FAM168A: variants seen among roughly 807,000 people sequenced by gnomAD.
FAM168A encodes the protein family with sequence similarity 168 member A, also known as protein FAM168A.
In FAM168A, 3 loss-of-function variants were observed where a neutral mutation model predicts 28.5. The ratio of observed to expected loss-of-function variants is 0.11; its 90% CI spans 0.05 to 0.27. The LOEUF is 0.27. Ranked by LOEUF, FAM168A falls within the 10% of genes least tolerant of loss-of-function variation. FAM168A has a pLI of 1.00. For missense variants in FAM168A, 222 were observed against 311.5 expected (o/e 0.71, Z 2.16); for synonymous variants, 122 against 124.2 (o/e 0.98, Z 0.12).
chr11:73,415,039 C>T (rs1243801605), intron 4 of FAM168A, among the ~76,000 whole-genome samples: 2 of 152,218 alleles, frequency 1.3e-5, no homozygotes, highest in South Asian at 4.1e-4. Flanking sequence ...GTGAGACTAT[C>T]CCTCTGAGGA....
At chr11:73,572,796 CT>C (rs1277005858) in intron 1 of FAM168A, among the ~76,000 whole-genome samples, 2 of 152,036 alleles carry the variant, frequency 1.3e-5, no homozygotes, top group African/African-American at 4.8e-5. Flanking sequence ...ACTTGTTTAT[CT>C]GCTGACCTTC....
At chr11:73,496,584 G>A (rs778290004) in intron 1 of FAM168A, among the ~76,000 whole-genome samples, 9 of 152,196 alleles carry the variant, frequency 5.9e-5, no homozygotes, top group South Asian at 2.1e-4. Context: ...TTTTTGAGAC[G>A]GAGTCTCACT....
intron 1 of FAM168A, among the ~76,000 whole-genome samples, chr11:73,487,877 C>A (rs1398381124): frequency 6.6e-6 from 1 of 152,132 alleles, no homozygotes; most frequent in Non-Finnish European, 1.5e-5. Flanking sequence ...GTCCATCACC[C>A]TCCTCGTACC....
intron 1 of FAM168A, among the ~76,000 whole-genome samples, chr11:73,572,050 G>A (rs1419177416): frequency 4.0e-5 from 6 of 149,658 alleles, no homozygotes; most frequent in African/African-American, 9.9e-5. Flanking sequence ...GAGCCCCTCC[G>A]CCCGGCAGCC....
chr11:73,420,280 TCTC>T (rs2134496237), intron 3 of FAM168A, among the ~76,000 whole-genome samples: 1 of 152,266 alleles, frequency 6.6e-6, no homozygotes, highest in South Asian at 2.1e-4. Context: ...TGAATAACCA[TCTC>T]CTACTACCTG....
intron 1 of FAM168A, among the ~76,000 whole-genome samples, chr11:73,505,706 G>C (rs1175419914): frequency 1.3e-5 from 2 of 152,158 alleles, no homozygotes; most frequent in African/African-American, 4.8e-5. Context: ...CAAGCCAGCA[G>C]GTATGTGGAG....
intron 3 of FAM168A, chr11:73,425,162 C>A: frequency 4.4e-6 from 3 of 674,906 alleles, no homozygotes; most frequent in South Asian, 2.1e-5. Flanking sequence ...CCCAGCTTCA[C>A]AAAAGCAGTA....
At chr11:73,513,130 AC>A (rs1316773939) in intron 1 of FAM168A, among the ~76,000 whole-genome samples, 1 of 148,910 alleles carries the variant, frequency 6.7e-6, no homozygotes, top group Non-Finnish European at 1.5e-5. Context: ...GCACCATATG[AC>A]CAGTTTTGGC....
intron 1 of FAM168A, among the ~76,000 whole-genome samples, chr11:73,547,211 C>G (rs530892740): frequency 2.1e-5 from 3 of 145,404 alleles, no homozygotes; most frequent in Non-Finnish European, 4.5e-5. Context: ...AGAAAGGAGG[C>G]AAAAAGAAGG....
At chr11:73,504,484 A>G (rs746082085) in intron 1 of FAM168A, among the ~76,000 whole-genome samples, 1 of 152,240 alleles carries the variant, frequency 6.6e-6, no homozygotes, top group Non-Finnish European at 1.5e-5. Flanking sequence ...AATGGCAGTT[A>G]TTAAAAAGTC....
intron 1 of FAM168A, among the ~76,000 whole-genome samples, chr11:73,519,397 T>C (rs954190463): frequency 6.6e-6 from 1 of 152,204 alleles, no homozygotes; most frequent in African/African-American, 2.4e-5. Context: ...AGAATGCAAT[T>C]ATGCATTACT....
chr11:73,566,881 T>C (rs1472293126), intron 1 of FAM168A, among the ~76,000 whole-genome samples: 1 of 152,210 alleles, frequency 6.6e-6, no homozygotes, highest in Non-Finnish European at 1.5e-5. Flanking sequence ...GCAACAACTT[T>C]ACAGTGGAAG....
intron 1 of FAM168A, among the ~76,000 whole-genome samples, chr11:73,597,285 A>T (rs533313909): frequency 1.1e-4 from 17 of 151,952 alleles, no homozygotes; most frequent in Middle Eastern, 3.4e-3. Flanking sequence ...ATGCTATTCC[A>T]TAAGTCTCCA....
chr11:73,430,892 G>GTC, intron 2 of FAM168A, 122 bp from the exon 3 acceptor site: 1 of 700,142 alleles, frequency 1.4e-6, no homozygotes, highest in South Asian at 1.9e-5. Context: ...TTGGCGTTCA[G>GTC]TCTCTCCATG....
chr11:73,522,463 A>G (rs1784831535), intron 1 of FAM168A, among the ~76,000 whole-genome samples: 1 of 151,810 alleles, frequency 6.6e-6, no homozygotes, highest in African/African-American at 2.4e-5. Context: ...CAGCCTCCCA[A>G]GTAGCTGGGA....
At chr11:73,491,721 C>T (rs183733254) in intron 1 of FAM168A, among the ~76,000 whole-genome samples, 19 of 152,296 alleles carry the variant, frequency 1.2e-4, no homozygotes, top group Admixed American at 1.2e-3. Flanking sequence ...GTTAACCCAG[C>T]TATAGTCTAA....
intron 1 of FAM168A, among the ~76,000 whole-genome samples, chr11:73,538,555 G>A (rs1943612192): frequency 6.6e-6 from 1 of 152,296 alleles, no homozygotes; most frequent in African/African-American, 2.4e-5. Flanking sequence ...ATAAGCAGAT[G>A]CAATCTCTCC....
intron 1 of FAM168A, among the ~76,000 whole-genome samples, chr11:73,471,534 T>C (rs778860492): frequency 3.9e-5 from 6 of 152,212 alleles, no homozygotes; most frequent in Non-Finnish European, 8.8e-5. Flanking sequence ...CATACATTTG[T>C]AGTTAATACC....
Position 73,531,187 on chromosome 11 carries a change from GAA to G in FAM168A, c.-18-62697_-18-62696del, listed in dbSNP as rs374106280. ...TTCACTACACTTTACTCCCCAATCT[GAA>G]AGATACCTGAGTTGAACAGAGGGTT... On this transcript the variant is annotated intron_variant, in intron 1 of 7. Coordinates refer to ENST00000356467, the MANE Select transcript of FAM168A (RefSeq NM_015159.3). 1.1e-4 allele frequency among the ~76,000 whole-genome samples: 17 copies of G among 152,286 alleles called. No homozygotes were observed. The South Asian group carries it at 2.9e-3, about 26-fold the overall frequency.
Sources: gnomAD v4.1 joint callset for allele counts (sites outside exome capture counted in the v4.1 genomes callset) on GRCh38, gnomAD v4.1.1 for gene constraint, MANE v1.5 for transcripts, NCBI Gene and HGNC (gene_info 2026-07-23, HGNC 2026-07-21) for gene names.